The following ZNF438 variants were observed in gnomAD, a reference collection of about 807,000 sequenced individuals.
The protein encoded by ZNF438 is zinc finger protein 438.
Under a neutral mutation model 38.0 loss-of-function variants are expected in ZNF438, and 25 were observed. The observed-to-expected ratio is 0.66, with a 90% CI of 0.48 to 0.92. The LOEUF is 0.92. Among genes scored for constraint, ZNF438 ranks in the 40% least tolerant of loss-of-function variants. ZNF438 has a pLI of 0.00. For synonymous variants in ZNF438, 372 were observed against 364.1 expected, an observed-to-expected ratio of 1.02 and a Z score of -0.25; for missense variants, 1,007 against 999.6, an observed-to-expected ratio of 1.01 and a Z score of -0.10.
chr10:30,889,379 G>C (rs907044207), intron 3 of ZNF438, among the ~76,000 whole-genome samples: 1 of 152,046 alleles, frequency 6.6e-6, no homozygotes, highest in Non-Finnish European at 1.5e-5. Context: ...GCTGCTAACG[G>C]GTTTGATTAA....
intron 4 of ZNF438, among the ~76,000 whole-genome samples, chr10:30,858,795 T>C (rs72814434): frequency 0.14 from 21,062 of 152,112 alleles, 1,680 homozygotes; most frequent in Non-Finnish European, 0.19. Flanking sequence ...TGCTCAATTA[T>C]TGCTCTTAGC....
rs541436265 is a variant in ZNF438 at position 31,024,250 on chromosome 10, T to G, written c.-192+7583A>C. Among the ~76,000 whole-genome samples the G allele has an allele frequency of 2.0e-5, 3 of 152,374 alleles. No homozygotes were observed. In the East Asian group the frequency reaches 5.8e-4, roughly 29 times the overall value. ...TAATATCTCTAAACCAACTTCTTTT[T>G]CTATAAAATGAGAGTAATAACTCTA... is the stretch of plus-strand genomic sequence containing the variant. On this transcript the variant is annotated intron_variant, in intron 1 of 5. Coordinates refer to ENST00000413025, the Ensembl canonical transcript of ZNF438.
At chr10:30,888,931 G>C (rs1460138093) in intron 3 of ZNF438, among the ~76,000 whole-genome samples, 1 of 152,108 alleles carries the variant, frequency 6.6e-6, no homozygotes, top group African/African-American at 2.4e-5. Flanking sequence ...CTATTTTTAG[G>C]TCTTTGAGGA....
chr10:30,944,461 TGTAAA>T (rs1310135405), intron 1 of ZNF438, among the ~76,000 whole-genome samples: 1 of 152,138 alleles, frequency 6.6e-6, no homozygotes, highest in African/African-American at 2.4e-5. Flanking sequence ...CCAACAGGGA[TGTAAA>T]GTAAATAAAT....
chr10:30,904,916 C>G (rs541151388), intron 3 of ZNF438, among the ~76,000 whole-genome samples: 2 of 152,298 alleles, frequency 1.3e-5, no homozygotes, highest in South Asian at 4.1e-4. Flanking sequence ...TTAGTGGCCC[C>G]TGTATCTTTC....
At chr10:30,950,697 GGAA>G (rs2135769672) in intron 1 of ZNF438, among the ~76,000 whole-genome samples, 1 of 142,874 alleles carries the variant, frequency 7.0e-6, no homozygotes, top group East Asian at 2.0e-4. Flanking sequence ...GACTAAACCA[GGAA>G]GAAGTTGAAT....
rs1170343303 is a variant in ZNF438 at position 30,970,141 on chromosome 10, CACAT to C, written c.-191-28494_-191-28491del. Among the ~76,000 whole-genome samples, 107 of 142,642 alleles carry C rather than the reference CACAT, an allele frequency of 7.5e-4. 2 individuals are homozygous for C. Among genetic ancestry groups the C allele is most frequent in the South Asian group, 6.8e-3 (31 of 4,546 alleles). 93.6% of individuals were successfully genotyped at this position (142,642 alleles called of 152,430 possible). A position where few individuals can be genotyped will look rare whatever the true frequency, so the allele number is the denominator to read the frequency against. ...ACACACACACACACACACACACACA[CACAT>C]ATACACACACACACATATATTAGGC... is the stretch of plus-strand genomic sequence containing the variant. On this transcript the variant is annotated intron_variant, in intron 1 of 5. Coordinates refer to ENST00000413025, the Ensembl canonical transcript of ZNF438.
At chr10:30,914,871 A>G (rs2043438732) in intron 2 of ZNF438, among the ~76,000 whole-genome samples, 1 of 152,086 alleles carries the variant, frequency 6.6e-6, no homozygotes, top group African/African-American at 2.4e-5. Context: ...TGTACTTGAA[A>G]GTTTGAAATC....
At chr10:30,904,014 G>A (rs1368911998) in intron 3 of ZNF438, among the ~76,000 whole-genome samples, 3 of 80,306 alleles carry the variant, frequency 3.7e-5, no homozygotes, top group African/African-American at 4.1e-5. Flanking sequence ...TCATGCCACA[G>A]TTAAAAAAAA....
At chr10:30,924,926 T>C (rs1564652322) in intron 2 of ZNF438, among the ~76,000 whole-genome samples, 1 of 152,204 alleles carries the variant, frequency 6.6e-6, no homozygotes, top group Non-Finnish European at 1.5e-5. Flanking sequence ...TTGATAAATA[T>C]ACTACGGCTA....
intron 1 of ZNF438, among the ~76,000 whole-genome samples, chr10:30,987,524 C>T (rs56047504): frequency 0.08 from 12,093 of 152,110 alleles, 580 homozygotes; most frequent in Non-Finnish European, 0.11. Flanking sequence ...ATGGACTAAA[C>T]GTTTGTGTCA....
chr10:30,858,219 GTT>G (rs1210104266), intron 4 of ZNF438, among the ~76,000 whole-genome samples: 1 of 152,220 alleles, frequency 6.6e-6, no homozygotes, highest in Non-Finnish European at 1.5e-5. Context: ...TGTTGTTCTG[GTT>G]TTAATTTTAT....
chr10:30,844,683 C>A, exon 6 of ZNF438: 1 of 337,888 alleles, frequency 3.0e-6, no homozygotes, highest in South Asian at 4.9e-5. Flanking sequence ...TGCTAAATTT[C>A]AATCTTCAAA....
intron 1 of ZNF438, among the ~76,000 whole-genome samples, chr10:31,017,102 T>C (rs896443652): frequency 4.6e-5 from 7 of 152,188 alleles, no homozygotes; most frequent in African/African-American, 1.4e-4. Context: ...ACAAATGAGA[T>C]TAATGCAATT....
intron 3 of ZNF438, among the ~76,000 whole-genome samples, chr10:30,877,319 C>G (rs929487454): frequency 1.3e-5 from 2 of 152,198 alleles, no homozygotes; most frequent in African/African-American, 4.8e-5. Context: ...AGTCACACTT[C>G]TGCTCTCATG....
chr10:30,880,809 C>T (rs1342417423), intron 3 of ZNF438, among the ~76,000 whole-genome samples: 1 of 151,994 alleles, frequency 6.6e-6, no homozygotes, highest in Non-Finnish European at 1.5e-5. Flanking sequence ...GTAGAGATAT[C>T]CAGGAATACA....
chr10:31,019,281 C>T (rs2056424958), intron 1 of ZNF438, among the ~76,000 whole-genome samples: 1 of 152,150 alleles, frequency 6.6e-6, no homozygotes, highest in African/African-American at 2.4e-5. Context: ...CCCTTCATTG[C>T]CTCTCTAACC....
intron 5 of ZNF438, among the ~76,000 whole-genome samples, chr10:30,846,638 A>G (rs903068241): frequency 2.0e-5 from 3 of 152,186 alleles, no homozygotes; most frequent in Non-Finnish European, 4.4e-5. Context: ...TACCAGGCAC[A>G]ACTGCCTGCA....
chr10:30,856,978 A>G (rs1367713575), intron 4 of ZNF438, among the ~76,000 whole-genome samples: 4 of 152,208 alleles, frequency 2.6e-5, no homozygotes, highest in African/African-American at 4.8e-5. Context: ...TCTTTTAATT[A>G]AATCTTCATC....
Sources: gnomAD v4.1 joint callset for allele counts (sites outside exome capture counted in the v4.1 genomes callset) on GRCh38, gnomAD v4.1.1 for gene constraint, MANE v1.5 for transcripts, NCBI Gene and HGNC (gene_info 2026-07-23, HGNC 2026-07-21) for gene names.